Variants in AFG2A observed in about 807,000 individuals in gnomAD.
The protein encoded by AFG2A is AAA ATPase AFG2A.
the AFG2A span, among the ~76,000 whole-genome samples, chr4:123,126,378 T>C: frequency 2.0e-5 from 3 of 152,216 alleles, no homozygotes; most frequent in Non-Finnish European, 2.9e-5. Context: ...ACTTGTCTTC[T>C]GTACCACCTA....
the AFG2A span, among the ~76,000 whole-genome samples, chr4:123,031,165 T>G: frequency 2.0e-5 from 3 of 152,148 alleles, no homozygotes; most frequent in Admixed American, 6.5e-5. Flanking sequence ...GTTCTCTTTT[T>G]TTTTGAGACA....
the AFG2A span, among the ~76,000 whole-genome samples, chr4:123,102,901 A>G: frequency 6.6e-6 from 1 of 151,236 alleles, no homozygotes; most frequent in Non-Finnish European, 1.5e-5. Context: ...GATATACACA[A>G]TCTAGCTTGA....
the AFG2A span, among the ~76,000 whole-genome samples, chr4:123,205,106 G>T: frequency 6.6e-6 from 1 of 151,884 alleles, no homozygotes; most frequent in South Asian, 2.1e-4. Flanking sequence ...AATATGTCAG[G>T]GTATTCTCTT....
chr4:123,195,809 A>T, the AFG2A span, among the ~76,000 whole-genome samples: 3 of 152,142 alleles, frequency 2.0e-5, no homozygotes, highest in Non-Finnish European at 4.4e-5. Context: ...TCTGACCTGA[A>T]AAGAAACCAA....
chr4:123,045,683 C>T, the AFG2A span, among the ~76,000 whole-genome samples: 3 of 152,098 alleles, frequency 2.0e-5, no homozygotes, highest in South Asian at 2.1e-4. Flanking sequence ...TTTAACTTGT[C>T]GTATTTCTAG....
At chr4:123,297,535 C>T in the AFG2A span, among the ~76,000 whole-genome samples, 33 of 152,084 alleles carry the variant, frequency 2.2e-4, no homozygotes, top group African/African-American at 2.4e-4. Context: ...TCCTGGCTAA[C>T]GGTGAAAGCC....
At chr4:123,056,372 T>G in the AFG2A span, 2 of 1,608,006 alleles carry the variant, frequency 1.2e-6, no homozygotes, top group South Asian at 2.2e-5. Flanking sequence ...GAACAGTTGT[T>G]TTCTTTTCAT....
the AFG2A span, among the ~76,000 whole-genome samples, chr4:123,027,631 G>T: frequency 2.0e-5 from 3 of 152,020 alleles, no homozygotes; most frequent in Non-Finnish European, 2.9e-5. Context: ...TCTATTTCTT[G>T]TGTACGTTTT....
the AFG2A span, among the ~76,000 whole-genome samples, chr4:123,064,175 A>G: frequency 6.6e-6 from 1 of 152,140 alleles, no homozygotes; most frequent in Non-Finnish European, 1.5e-5. Context: ...AATTTTTGTC[A>G]TATTTTATAT....
chr4:123,178,912 A>C, the AFG2A span, among the ~76,000 whole-genome samples: 4 of 152,196 alleles, frequency 2.6e-5, no homozygotes, highest in East Asian at 7.7e-4. Flanking sequence ...AGGCTTCTCT[A>C]CTCCTGATTC....
the AFG2A span, chr4:123,056,281 G>A: frequency 9.6e-7 from 1 of 1,044,268 alleles, no homozygotes; most frequent in Non-Finnish European, 1.3e-6. Flanking sequence ...TTAATAAGCA[G>A]ATTTTGTTTA....
chr4:123,050,690 G>A, the AFG2A span, among the ~76,000 whole-genome samples: 3 of 149,938 alleles, frequency 2.0e-5, no homozygotes, highest in Non-Finnish European at 4.4e-5. Context: ...TAGTCTATAT[G>A]TGCTGTTAGA....
chr4:123,170,013 C>T, the AFG2A span, among the ~76,000 whole-genome samples: 3 of 152,128 alleles, frequency 2.0e-5, no homozygotes, highest in African/African-American at 7.2e-5. Flanking sequence ...TGGGTAGAAA[C>T]AGAGTTAGGG....
At chr4:123,307,465 A>G in the AFG2A span, among the ~76,000 whole-genome samples, 1 of 152,198 alleles carries the variant, frequency 6.6e-6, no homozygotes, top group African/African-American at 2.4e-5. Flanking sequence ...GAAAGGTCCT[A>G]GTTTAAATTG....
At chr4:123,239,298 CAGG>C in the AFG2A span, among the ~76,000 whole-genome samples, 2 of 152,128 alleles carry the variant, frequency 1.3e-5, no homozygotes, top group Admixed American at 6.5e-5. Flanking sequence ...CATAGCAAGG[CAGG>C]CCAACATTCA....
At chr4:123,191,267 T>C in the AFG2A span, among the ~76,000 whole-genome samples, 3 of 152,122 alleles carry the variant, frequency 2.0e-5, no homozygotes, top group South Asian at 6.2e-4. Flanking sequence ...AATATAAGGA[T>C]ATTCCTATTC....
chr4:123,223,546 C>T, the AFG2A span, among the ~76,000 whole-genome samples: 3 of 152,150 alleles, frequency 2.0e-5, 1 homozygote, highest in African/African-American at 7.2e-5. Flanking sequence ...AAAGGGGAAG[C>T]AGGCACATCT....
chr4:123,010,387 G>C, the AFG2A span, among the ~76,000 whole-genome samples: 2 of 105,096 alleles, frequency 1.9e-5, no homozygotes, highest in Non-Finnish European at 4.2e-5. Context: ...AAGTATTAGT[G>C]TATGTTTTAA....
At chr4:123,187,981 G>C in the AFG2A span, among the ~76,000 whole-genome samples, 1 of 140,926 alleles carries the variant, frequency 7.1e-6, no homozygotes, top group African/African-American at 2.6e-5. Context: ...CTAGGTGACA[G>C]AGTGAGGCCC....
Sources: allele counts gnomAD v4.1 joint callset (sites outside exome capture counted in the v4.1 genomes callset), GRCh38; gene constraint gnomAD v4.1.1; transcripts MANE v1.5; gene names NCBI Gene and HGNC (gene_info 2026-07-23, HGNC 2026-07-21).